The following PCMT1 variants were observed in gnomAD, a reference collection of about 807,000 sequenced individuals.
The protein encoded by PCMT1 is protein-L-isoaspartate(D-aspartate) O-methyltransferase.
In PCMT1, 9 loss-of-function variants were observed where a neutral mutation model predicts 29.2. The ratio of observed to expected loss-of-function variants is 0.31; its 90% CI spans 0.19 to 0.54. The LOEUF (loss-of-function observed/expected upper bound fraction) is 0.54. PCMT1 is among the 20% of genes least tolerant of loss of function. PCMT1 has a pLI of 0.95. For missense variants in PCMT1, 184 were observed against 282.2 expected, an observed-to-expected ratio of 0.65 and a Z score of 2.49; for synonymous variants, 98 against 97.5, an observed-to-expected ratio of 1.00 and a Z score of -0.03.
chr6:149,789,869 A>G (rs903027313), intron 3 of PCMT1, 85 bp from the exon 4 acceptor site: 18 of 796,850 alleles, frequency 2.3e-5, no homozygotes, highest in Non-Finnish European at 3.1e-5. Flanking sequence ...AATAGTAGAA[A>G]AATTGGTAGA....
chr6:149,800,147 C>T (rs913635622), intron 6 of PCMT1, among the ~76,000 whole-genome samples: 2 of 152,048 alleles, frequency 1.3e-5, no homozygotes, highest in Admixed American at 6.6e-5. Flanking sequence ...TGAGGGCACC[C>T]TTTCCTGAGG....
At chr6:149,758,208 C>CTTTTTTTTTTTTTTTTTTTTTTTTTTTT (rs756014067) in intron 1 of PCMT1, among the ~76,000 whole-genome samples, 3 of 73,912 alleles carry the variant, frequency 4.1e-5, no homozygotes, top group African/African-American at 5.3e-5. Flanking sequence ...TTCTTTCTTT[C>CTTTTTTTTTTTTTTTTTTTTTTTTTTTT]TTTTTTTTTT....
At chr6:149,794,660 A>T (rs533975723) in intron 5 of PCMT1, 12 of 245,722 alleles carry the variant, frequency 4.9e-5, no homozygotes, top group South Asian at 3.3e-4. Flanking sequence ...CAGCTCTAGT[A>T]GCCACAGCCA....
intron 7 of PCMT1, among the ~76,000 whole-genome samples, chr6:149,807,485 C>T (rs1411152153): frequency 6.6e-6 from 1 of 152,166 alleles, no homozygotes; most frequent in African/African-American, 2.4e-5. Flanking sequence ...ATTCTCCTGC[C>T]TCAGCCTCCC....
intron 3 of PCMT1, among the ~76,000 whole-genome samples, chr6:149,779,487 A>G (rs568524583): frequency 1.1e-4 from 17 of 152,258 alleles, no homozygotes; most frequent in African/African-American, 4.1e-4. Context: ...TTTGTCCCAC[A>G]ACACTACCTA....
Position 149,771,214 on chromosome 6 carries a change from C to T in PCMT1, c.108C>T (p.Asp36=). ...TATTTGAAGTGATGCTGGCTACAGACCGCTCCCACTATGCAAAATGTAACC... is the reference window on the plus strand; with the variant it reads ...TATTTGAAGTGATGCTGGCTACAGATCGCTCCCACTATGCAAAATGTAACC... ...DKVFEVMLAT[D]RSHYAKCNPY... is the part of the protein sequence containing the mutation. Residue 36 remains aspartate (D), a synonymous_variant, in exon 2 of 8, where the codon GAC becomes GAT. Coordinates refer to ENST00000464889, the MANE Select transcript of PCMT1 (RefSeq NM_001360452.2). 6.2e-7 allele frequency: 1 copy of T among 1,613,050 alleles called. No individual in the cohort carries two copies. Among genetic ancestry groups the T allele is most frequent in the South Asian group, 1.1e-5 (1 of 91,028 alleles).
intron 7 of PCMT1, among the ~76,000 whole-genome samples, chr6:149,808,207 AG>A (rs1776065566): frequency 1.3e-5 from 2 of 152,066 alleles, no homozygotes; most frequent in African/African-American, 4.8e-5. Flanking sequence ...ATTATATACT[AG>A]TAGAAATATA....
intron 3 of PCMT1, among the ~76,000 whole-genome samples, chr6:149,777,493 C>A (rs771417599): frequency 5.9e-5 from 9 of 152,018 alleles, no homozygotes; most frequent in African/African-American, 2.2e-4. Context: ...ACAAATATGA[C>A]AAAGTCTTCA....
chr6:149,761,326 GAA>G (rs1786732725), intron 1 of PCMT1, among the ~76,000 whole-genome samples: 1 of 151,874 alleles, frequency 6.6e-6, no homozygotes, highest in African/African-American at 2.4e-5. Context: ...GGAGAATTGA[GAA>G]TATTAATTTT....
intron 5 of PCMT1, among the ~76,000 whole-genome samples, chr6:149,794,598 CAG>C (rs1201006111): frequency 1.3e-5 from 2 of 152,188 alleles, no homozygotes; most frequent in African/African-American, 4.8e-5. Flanking sequence ...AGTCTGGCGA[CAG>C]AGCTAGAGTC....
Position 149,787,716 on chromosome 6 carries a change from A to G in PCMT1, c.193-2238A>G, listed in dbSNP as rs1788181295. On this transcript the variant is annotated intron_variant, in intron 3 of 7. Transcript: ENST00000464889. ...TCTGACTTACAGAAATATTATGCAG[A>G]TAGTACAGTTCCTGTGTACTTTTGT... 1.3e-5 allele frequency among the ~76,000 whole-genome samples: 2 copies of G among 152,030 alleles called. 1 individual carries two copies. The highest frequency in any genetic ancestry group is 2.9e-5 in the Non-Finnish European group (2 of 68,024).
At chr6:149,767,475 CAG>C (rs552147228) in intron 1 of PCMT1, among the ~76,000 whole-genome samples, 1 of 151,868 alleles carries the variant, frequency 6.6e-6, no homozygotes, top group South Asian at 2.1e-4. Flanking sequence ...TTTATTGAGA[CAG>C]GGTTTCACTC....
chr6:149,779,734 T>C (rs917829017), intron 3 of PCMT1, among the ~76,000 whole-genome samples: 1 of 151,802 alleles, frequency 6.6e-6, no homozygotes, highest in African/African-American at 2.4e-5. Flanking sequence ...CACTTGGACC[T>C]GGGGAGGGTG....
intron 1 of PCMT1, among the ~76,000 whole-genome samples, chr6:149,758,480 G>C (rs1408814297): frequency 6.6e-6 from 1 of 151,840 alleles, no homozygotes; most frequent in Non-Finnish European, 1.5e-5. Context: ...AAAGTGCTGG[G>C]ATTACAAGCA....
At chr6:149,806,315 A>G (rs1776013270) in intron 7 of PCMT1, among the ~76,000 whole-genome samples, 1 of 152,172 alleles carries the variant, frequency 6.6e-6, no homozygotes, top group South Asian at 2.1e-4. Flanking sequence ...TCAGAATTAC[A>G]TTTCAGAAAG....
At chr6:149,803,852 G>A (rs1775928247) in intron 7 of PCMT1, among the ~76,000 whole-genome samples, 1 of 149,420 alleles carries the variant, frequency 6.7e-6, no homozygotes, top group Non-Finnish European at 1.5e-5. Context: ...AGGCTGAGGT[G>A]AGCCAATCAT....
intron 1 of PCMT1, among the ~76,000 whole-genome samples, chr6:149,750,889 A>T (rs527459353): frequency 1.3e-5 from 2 of 152,274 alleles, no homozygotes; most frequent in South Asian, 2.1e-4. Context: ...AATTTATAGC[A>T]TTATTCGCTA....
intron 7 of PCMT1, among the ~76,000 whole-genome samples, chr6:149,807,150 G>C (rs942114036): frequency 1.3e-5 from 2 of 152,136 alleles, no homozygotes; most frequent in Non-Finnish European, 2.9e-5. Flanking sequence ...CACTTGGAAA[G>C]ATGTCACTTG....
chr6:149,772,440 GCA>G (rs1402397339), intron 2 of PCMT1: 3 of 320,774 alleles, frequency 9.4e-6, no homozygotes, highest in African/African-American at 4.4e-5. Context: ...ATTTAATTTT[GCA>G]CAGACTTTGT....
Sources: allele counts gnomAD v4.1 joint callset (sites outside exome capture counted in the v4.1 genomes callset), GRCh38; gene constraint gnomAD v4.1.1; transcripts MANE v1.5; gene names NCBI Gene and HGNC (gene_info 2026-07-23, HGNC 2026-07-21).